DAAM1: variants seen among roughly 807,000 people sequenced by gnomAD.
The protein encoded by DAAM1 is dishevelled associated activator of morphogenesis 1.
DAAM1 carries 52 observed loss-of-function variants against 130.0 expected under a neutral mutation model. The observed-to-expected ratio is 0.40, with a 90% CI of 0.32 to 0.50. The LOEUF (loss-of-function observed/expected upper bound fraction) is 0.50. Among genes scored for constraint, DAAM1 ranks in the 20% least tolerant of loss-of-function variants. The pLI is 0.61. For missense variants in DAAM1, 1,134 were observed against 1,303.8 expected (o/e 0.87, Z 2.01); for synonymous variants, 452 against 444.5 (o/e 1.02, Z -0.21).
intron 16 of DAAM1, among the ~76,000 whole-genome samples, chr14:59,345,147 G>T (rs1886021207): frequency 6.6e-6 from 1 of 152,136 alleles, no homozygotes; most frequent in Admixed American, 6.5e-5. Flanking sequence ...CCCAGTTGAG[G>T]CCCTGATGCT....
intron 2 of DAAM1, among the ~76,000 whole-genome samples, chr14:59,273,779 T>A (rs534528945): frequency 6.6e-6 from 1 of 152,326 alleles, no homozygotes; most frequent in South Asian, 2.1e-4. Flanking sequence ...AAAAATGTGT[T>A]TCAGTAATGG....
At chr14:59,327,792 C>T (rs1461441013) in intron 12 of DAAM1, among the ~76,000 whole-genome samples, 1 of 152,198 alleles carries the variant, frequency 6.6e-6, no homozygotes, top group South Asian at 2.1e-4. Context: ...AATCAGTGAC[C>T]ATTGCTGAGA....
intron 1 of DAAM1, among the ~76,000 whole-genome samples, chr14:59,193,830 T>C: frequency 6.6e-6 from 1 of 152,204 alleles, no homozygotes. Context: ...TGCCACAGCT[T>C]CCACGAAGCC....
intron 3 of DAAM1, among the ~76,000 whole-genome samples, chr14:59,292,986 G>C (rs1162715080): frequency 1.3e-5 from 2 of 152,172 alleles, no homozygotes; most frequent in Non-Finnish European, 2.9e-5. Flanking sequence ...AATGTGCTCA[G>C]TTCTGAAACT....
chr14:59,259,930 G>A (rs1372648524), intron 1 of DAAM1, among the ~76,000 whole-genome samples: 2 of 152,160 alleles, frequency 1.3e-5, no homozygotes, highest in Non-Finnish European at 2.9e-5. Flanking sequence ...TATAGTCCCA[G>A]CTACTGGGGA....
chr14:59,205,108 A>T (rs1196355033), intron 1 of DAAM1, among the ~76,000 whole-genome samples: 1 of 152,172 alleles, frequency 6.6e-6, no homozygotes, highest in African/African-American at 2.4e-5. Context: ...CCTCCATGTT[A>T]TTTTGTCCTG....
intron 2 of DAAM1, among the ~76,000 whole-genome samples, chr14:59,289,783 T>TATATATATATATATAA (rs966292211): frequency 1.1e-4 from 15 of 135,286 alleles, no homozygotes; most frequent in Non-Finnish European, 2.4e-4. Context: ...TATATATATA[T>TATATATATATATATAA]AATGGAATGC....
intron 1 of DAAM1, among the ~76,000 whole-genome samples, chr14:59,192,076 A>G (rs571796298): frequency 6.6e-6 from 1 of 151,628 alleles, no homozygotes; most frequent in Admixed American, 6.6e-5. Flanking sequence ...TGCTTACAGG[A>G]GCTCCATGAA....
chr14:59,224,158 C>T (rs1187741089), intron 1 of DAAM1, among the ~76,000 whole-genome samples: 2 of 152,200 alleles, frequency 1.3e-5, no homozygotes, highest in South Asian at 4.1e-4. Flanking sequence ...AGGGCATTTG[C>T]TAGATCAACA....
chr14:59,344,944 A>C (rs1268744384), intron 16 of DAAM1, among the ~76,000 whole-genome samples: 1 of 146,016 alleles, frequency 6.8e-6, no homozygotes, highest in Non-Finnish European at 1.5e-5. Flanking sequence ...AAAAGGACAC[A>C]GAACTAATTT....
chr14:59,220,499 C>G (rs1888734880), intron 1 of DAAM1, among the ~76,000 whole-genome samples: 1 of 152,078 alleles, frequency 6.6e-6, no homozygotes, highest in African/African-American at 2.4e-5. Context: ...AATTATTGCC[C>G]CAACAATACT....
intron 1 of DAAM1, among the ~76,000 whole-genome samples, chr14:59,221,889 A>G (rs1888783870): frequency 6.6e-6 from 1 of 152,198 alleles, no homozygotes; most frequent in Non-Finnish European, 1.5e-5. Flanking sequence ...TAGGAAGCAA[A>G]CATTTTGCCA....
In DAAM1 at chr14:59,340,163, C is replaced by T. The variant is rs1169598643; in HGVS notation, c.2058C>T (p.Cys686=). 4.3e-6 allele frequency: 7 copies of T among 1,613,028 alleles called. No individual in the cohort carries two copies. The highest frequency in any genetic ancestry group is 5.9e-6 in the Non-Finnish European group (7 of 1,179,390). The change falls in exon 16 of 25, where the codon TGC becomes TGT. Residue 686 remains cysteine, a synonymous_variant. Transcript: ENST00000360909. ...TTGATGGTCGGAGAGCTCAGAATTGCAACATCCTTCTATCGAGGTATTGTT... is the reference window on the plus strand; with the variant it reads ...TTGATGGTCGGAGAGCTCAGAATTGTAACATCCTTCTATCGAGGTATTGTT... The part of the protein sequence containing the change: ...SVIDGRRAQN[C]NILLSRLKLS...
At chr14:59,218,821 G>A (rs1203481905) in intron 1 of DAAM1, among the ~76,000 whole-genome samples, 1 of 152,070 alleles carries the variant, frequency 6.6e-6, no homozygotes, top group Non-Finnish European at 1.5e-5. Context: ...CCTGAAATTT[G>A]AATTCACAAG....
At chr14:59,364,927 C>T (rs1886856830) in intron 23 of DAAM1, among the ~76,000 whole-genome samples, 1 of 152,182 alleles carries the variant, frequency 6.6e-6, no homozygotes, top group Admixed American at 6.5e-5. Flanking sequence ...GTGAAAGCCC[C>T]CATCCATGTT....
At chr14:59,353,816 T>C (rs1886373417) in intron 18 of DAAM1, 60 bp from the exon 19 acceptor site, 15 of 1,529,382 alleles carry the variant, frequency 9.8e-6, no homozygotes, top group Non-Finnish European at 1.3e-5. Flanking sequence ...TCCATATCTG[T>C]TATTAAGTGA....
chr14:59,224,473 C>A (rs939946874), intron 1 of DAAM1, among the ~76,000 whole-genome samples: 3 of 152,178 alleles, frequency 2.0e-5, no homozygotes, highest in African/African-American at 7.2e-5. Flanking sequence ...GTCCATTTGG[C>A]CTTTCCCACT....
At chr14:59,197,967 C>T (rs1887958533) in intron 1 of DAAM1, among the ~76,000 whole-genome samples, 1 of 152,152 alleles carries the variant, frequency 6.6e-6, no homozygotes, top group South Asian at 2.1e-4. Context: ...TTCTGTCAAG[C>T]TCAGATTGTT....
At chr14:59,254,654 C>T (rs1260010046) in intron 1 of DAAM1, among the ~76,000 whole-genome samples, 1 of 152,170 alleles carries the variant, frequency 6.6e-6, no homozygotes, top group African/African-American at 2.4e-5. Flanking sequence ...GCTCCTCTCC[C>T]AGATGATCTA....
Sources: allele counts gnomAD v4.1 joint callset (sites outside exome capture counted in the v4.1 genomes callset), GRCh38; gene constraint gnomAD v4.1.1; transcripts MANE v1.5; gene names NCBI Gene and HGNC (gene_info 2026-07-23, HGNC 2026-07-21).